Variants in NAALADL2 observed in about 807,000 individuals in gnomAD.
NAALADL2 encodes inactive N-acetylated-alpha-linked acidic dipeptidase-like protein 2.
A neutral mutation model predicts 87.2 loss-of-function variants in NAALADL2; 76 were observed. That is an observed-to-expected ratio of 0.87 (90% CI 0.72 to 1.05). NAALADL2 has a LOEUF of 1.05. NAALADL2 is among the 50% of genes least tolerant of loss of function. The pLI is 0.00. For synonymous variants in NAALADL2, 354 were observed against 331.0 expected (o/e 1.07, Z -0.75); for missense variants, 1,089 against 945.8 (o/e 1.15, Z -1.99).
At chr3:175,100,506 C>G (rs570091376) in intron 2 of NAALADL2, among the ~76,000 whole-genome samples, 1 of 152,238 alleles carries the variant, frequency 6.6e-6, no homozygotes, top group African/African-American at 2.4e-5. Flanking sequence ...CCTGCCATAT[C>G]TAAGTGATAA....
At chr3:174,519,326 CT>C (rs557612913) in intron 1 of NAALADL2, among the ~76,000 whole-genome samples, 2,581 of 128,872 alleles carry the variant, frequency 0.02, 50 homozygotes, top group African/African-American at 0.06. Context: ...TGAAGATTTC[CT>C]TTTTTTTTTT....
chr3:175,745,990 G>C (rs949352122), intron 12 of NAALADL2, among the ~76,000 whole-genome samples: 5 of 152,048 alleles, frequency 3.3e-5, no homozygotes, highest in Non-Finnish European at 7.4e-5. Context: ...ATTTTCATTT[G>C]ATCTAGCTAG....
chr3:174,680,371 T>G lies in NAALADL2; in HGVS notation c.-114-57270T>G, dbSNP rs564990948. Among the ~76,000 whole-genome samples the G allele has an allele frequency of 2.3e-3, 354 of 152,322 alleles. 2 individuals are homozygous for G. Among genetic ancestry groups the G allele is most frequent in the African/African-American group, 8.2e-3 (339 of 41,582 alleles). On this transcript the variant is annotated intron_variant, in intron 2 of 3. Transcript: ENST00000434257. Reference sequence around the variant, plus strand: ...CCCTCATGACTACTGCTTTTGACAGTCTTTTGATCTGTGACTTTTCTTGTT... The same window carrying G: ...CCCTCATGACTACTGCTTTTGACAGGCTTTTGATCTGTGACTTTTCTTGTT...
chr3:175,327,148 C>CTTTTTTTT (rs35198621), intron 5 of NAALADL2, among the ~76,000 whole-genome samples: 3,012 of 99,414 alleles, frequency 0.03, 188 homozygotes, highest in East Asian at 0.13. Context: ...GTCTACATTT[C>CTTTTTTTT]TTTTTTTTTT....
chr3:174,922,832 C>T (rs1173108980), intron 1 of NAALADL2, among the ~76,000 whole-genome samples: 2 of 152,126 alleles, frequency 1.3e-5, no homozygotes, highest in Admixed American at 6.6e-5. Context: ...GATATCAAGA[C>T]ATATTAGTAT....
intron 10 of NAALADL2, chr3:175,609,648 T>C (rs1288498041): frequency 6.6e-6 from 1 of 152,166 alleles, no homozygotes; most frequent in African/African-American, 2.4e-5. Context: ...CCAGAGCTCA[T>C]ATTTTGTTTA....
intron 5 of NAALADL2, among the ~76,000 whole-genome samples, chr3:175,377,948 C>T (rs1286708744): frequency 6.6e-6 from 1 of 152,040 alleles, no homozygotes; most frequent in Non-Finnish European, 1.5e-5. Context: ...ACCCCGCCCC[C>T]TGCATTTACC....
chr3:174,762,904 G>T (rs1157855582), intron 3 of NAALADL2, among the ~76,000 whole-genome samples: 3 of 152,178 alleles, frequency 2.0e-5, no homozygotes, highest in Admixed American at 1.3e-4. Flanking sequence ...CTTAATAATT[G>T]AAATGTATCT....
intron 2 of NAALADL2, among the ~76,000 whole-genome samples, chr3:174,657,555 C>G (rs1431923878): frequency 6.6e-6 from 1 of 152,168 alleles, no homozygotes; most frequent in Non-Finnish European, 1.5e-5. Context: ...TGCCCCCACA[C>G]ATGCACAGCC....
chr3:174,873,237 A>C (rs1043129983), intron 1 of NAALADL2, among the ~76,000 whole-genome samples: 1 of 75,220 alleles, frequency 1.3e-5, no homozygotes, highest in African/African-American at 4.2e-5. Context: ...GTCTTTATTT[A>C]TTTATTTATT....
At chr3:174,922,627 A>T (rs2108362626) in intron 1 of NAALADL2, among the ~76,000 whole-genome samples, 1 of 152,202 alleles carries the variant, frequency 6.6e-6, no homozygotes, top group Admixed American at 6.5e-5. Flanking sequence ...TCATCTCTCC[A>T]GTTTGTAAAA....
In NAALADL2 at chr3:175,096,832, C is replaced by T. The variant is rs777084560; in HGVS notation, c.86C>T (p.Ala29Val). 23 of 1,606,102 alleles carry T rather than the reference C, an allele frequency of 1.4e-5. No homozygotes were observed. In the East Asian group the frequency reaches 4.7e-4, roughly 33 times the overall value. ...AYQKVHADQRAPGHSQYLDND... is the reference protein window; with the variant it reads ...AYQKVHADQRVPGHSQYLDND... ...CAGAAGGTCCATGCAGATCAAAGAGCTCCAGGACACTCACAGTACTTAGAC... is the reference window on the plus strand; with the variant it reads ...CAGAAGGTCCATGCAGATCAAAGAGTTCCAGGACACTCACAGTACTTAGAC... Residue 29 changes from alanine (A) to valine (V), a missense_variant, in exon 2 of 14, where the codon GCT becomes GTT. By Grantham distance (64) the Ala-to-Val change is moderately conservative (BLOSUM62 0). Transcript: ENST00000454872.
intron 13 of NAALADL2, among the ~76,000 whole-genome samples, chr3:175,775,467 AAAAC>A (rs1227591643): frequency 6.6e-6 from 1 of 152,122 alleles, no homozygotes; most frequent in East Asian, 1.9e-4. Flanking sequence ...AAGCCTCATT[AAAAC>A]AAACAAATGA....
intron 3 of NAALADL2, among the ~76,000 whole-genome samples, chr3:174,794,425 G>T (rs937303304): frequency 2.6e-5 from 4 of 151,970 alleles, no homozygotes; most frequent in Non-Finnish European, 5.9e-5. Context: ...ATTAATGAAG[G>T]ATGGGGAATG....
intron 3 of NAALADL2, among the ~76,000 whole-genome samples, chr3:174,787,595 A>ATATACATATATATATATATATATG (rs1560225597): frequency 1.4e-5 from 1 of 73,726 alleles, no homozygotes; most frequent in Non-Finnish European, 2.9e-5. Flanking sequence ...ATATATATAT[A>ATATACATATATATATATATATATG]TATATATATA....
At chr3:175,397,631 T>C (rs757938832) in intron 5 of NAALADL2, among the ~76,000 whole-genome samples, 13 of 152,260 alleles carry the variant, frequency 8.5e-5, no homozygotes, top group Non-Finnish European at 1.9e-4. Context: ...AACAGCAACA[T>C]TAAAACATGA....
At chr3:174,942,709 T>G (rs1196792399) in intron 1 of NAALADL2, among the ~76,000 whole-genome samples, 1 of 152,192 alleles carries the variant, frequency 6.6e-6, no homozygotes, top group Non-Finnish European at 1.5e-5. Context: ...AATCCCATAT[T>G]TCTTGGAGGT....
intron 2 of NAALADL2, among the ~76,000 whole-genome samples, chr3:175,198,390 T>A (rs546426987): frequency 6.6e-6 from 1 of 152,240 alleles, no homozygotes; most frequent in African/African-American, 2.4e-5. Flanking sequence ...TGGATGAATG[T>A]CTATTCTACA....
chr3:175,470,187 T>C (rs1468634235), intron 8 of NAALADL2, among the ~76,000 whole-genome samples: 2 of 152,078 alleles, frequency 1.3e-5, no homozygotes, highest in Non-Finnish European at 2.9e-5. Context: ...ATATAACACA[T>C]TTCCTTTTTC....
Sources: allele counts gnomAD v4.1 joint callset (sites outside exome capture counted in the v4.1 genomes callset), GRCh38; gene constraint gnomAD v4.1.1; transcripts MANE v1.5; gene names NCBI Gene and HGNC (gene_info 2026-07-23, HGNC 2026-07-21).